MSRA: variants seen among roughly 807,000 people sequenced by gnomAD.
MSRA encodes methionine sulfoxide reductase A, also known as mitochondrial peptide methionine sulfoxide reductase.
In MSRA, 54 loss-of-function variants were observed where a neutral mutation model predicts 31.3. The observed-to-expected ratio is 1.73, with a 90% CI of 1.39 to 2.17. The LOEUF (loss-of-function observed/expected upper bound fraction) is 2.17, where lower values mean the gene tolerates loss of function less well. MSRA is among the 30% of genes most tolerant of loss of function. MSRA has a pLI of 0.00. For missense variants in MSRA, 507 were observed against 300.9 expected (o/e 1.69, Z -5.07); for synonymous variants, 169 against 116.5 (o/e 1.45, Z -2.90).
chr8:10,157,523 G>T (rs1176689077), intron 1 of MSRA, among the ~76,000 whole-genome samples: 1 of 152,110 alleles, frequency 6.6e-6, no homozygotes, highest in African/African-American at 2.4e-5. Context: ...TTGGGATAGT[G>T]GGAGGTGGCT....
At chr8:10,348,688 G>C (rs1803943299) in intron 5 of MSRA, among the ~76,000 whole-genome samples, 1 of 152,084 alleles carries the variant, frequency 6.6e-6, no homozygotes, top group African/African-American at 2.4e-5. Context: ...TTTAGTAGAA[G>C]TTCAGTTCAT....
At chr8:10,415,311 G>A (rs940484319) in intron 5 of MSRA, among the ~76,000 whole-genome samples, 1 of 152,152 alleles carries the variant, frequency 6.6e-6, no homozygotes, top group Non-Finnish European at 1.5e-5. Context: ...GGTGAAGGAC[G>A]ACAAGGAAGT....
intron 1 of MSRA, among the ~76,000 whole-genome samples, chr8:10,173,070 C>T (rs879698196): frequency 1.3e-5 from 2 of 152,252 alleles, no homozygotes; most frequent in Admixed American, 6.5e-5. Context: ...TAAAATAGCA[C>T]ACTTCTGGAG....
At chr8:10,164,780 C>T (rs1804970989) in intron 1 of MSRA, among the ~76,000 whole-genome samples, 1 of 152,206 alleles carries the variant, frequency 6.6e-6, no homozygotes, top group Admixed American at 6.5e-5. Context: ...CCTGTAATCC[C>T]AGCACTTTGG....
intron 1 of MSRA, among the ~76,000 whole-genome samples, chr8:10,200,555 C>T (rs553596602): frequency 6.6e-6 from 1 of 152,126 alleles, no homozygotes; most frequent in Non-Finnish European, 1.5e-5. Flanking sequence ...GCTTGCCTTC[C>T]AGGTCAGGGA....
chr8:10,388,929 C>G (rs1806564018), intron 5 of MSRA, among the ~76,000 whole-genome samples: 1 of 151,928 alleles, frequency 6.6e-6, no homozygotes, highest in African/African-American at 2.4e-5. Context: ...CCGAATGTCT[C>G]CTGGAAAGAG....
Position 10,245,197 on chromosome 8 carries a change from A to C in MSRA, c.305A>C (p.Asn102Thr). 6.2e-7 allele frequency: 1 copy of C among 1,613,536 alleles called. No homozygotes were observed. The highest frequency in any genetic ancestry group is 8.5e-7 in the Non-Finnish European group (1 of 1,179,728). The part of the protein sequence containing the change: ...QVGFAGGYTS[N>T]PTYKEVCSEK... ...GGTTTTGCAGGAGGCTATACTTCAA[A>C]TCCTACTTATAAAGAAGTCTGCTCA... is the stretch of plus-strand genomic sequence containing the variant. Residue 102 changes from asparagine (N) to threonine (T), a missense_variant, in exon 3 of 6, where the codon AAT becomes ACT. Asn to Thr is a moderately conservative substitution (Grantham distance 65, BLOSUM62 0). Coordinates refer to ENST00000317173, the MANE Select transcript of MSRA (RefSeq NM_012331.5).
intron 1 of MSRA, among the ~76,000 whole-genome samples, chr8:10,134,797 G>A (rs539273896): frequency 6.6e-6 from 1 of 152,372 alleles, no homozygotes; most frequent in South Asian, 2.1e-4. Context: ...ATATCTTTAA[G>A]TCTTTGATTA....
intron 1 of MSRA, among the ~76,000 whole-genome samples, chr8:10,078,918 C>T (rs918115828): frequency 2.6e-5 from 4 of 152,224 alleles, no homozygotes; most frequent in South Asian, 2.1e-4. Flanking sequence ...AAATGGGGAT[C>T]ACATTTGGAG....
chr8:10,297,231 C>A (rs1800594174), intron 3 of MSRA, among the ~76,000 whole-genome samples: 1 of 152,132 alleles, frequency 6.6e-6, no homozygotes, highest in African/African-American at 2.4e-5. Flanking sequence ...GGAATGGCTG[C>A]CTTTAATCAA....
At chr8:10,194,544 C>G (rs147560079) in intron 1 of MSRA, among the ~76,000 whole-genome samples, 5 of 152,294 alleles carry the variant, frequency 3.3e-5, no homozygotes, top group African/African-American at 1.2e-4. Flanking sequence ...TCTGCCTCCT[C>G]ATTTCCACAG....
At chr8:10,383,118 C>T (rs963506183) in intron 5 of MSRA, among the ~76,000 whole-genome samples, 3 of 152,198 alleles carry the variant, frequency 2.0e-5, no homozygotes, top group Non-Finnish European at 2.9e-5. Flanking sequence ...ATCATAGATC[C>T]AGTTGATGGC....
At chr8:10,412,284 T>G (rs2129189398) in intron 5 of MSRA, among the ~76,000 whole-genome samples, 1 of 152,364 alleles carries the variant, frequency 6.6e-6, no homozygotes, top group East Asian at 1.9e-4. Flanking sequence ...TGAACCACGT[T>G]TCTTTAAATT....
intron 1 of MSRA, among the ~76,000 whole-genome samples, chr8:10,087,394 C>G (rs1325236223): frequency 6.6e-6 from 1 of 152,146 alleles, no homozygotes; most frequent in Non-Finnish European, 1.5e-5. Context: ...GGCAGGGGCT[C>G]CATATCCCTT....
intron 1 of MSRA, among the ~76,000 whole-genome samples, chr8:10,071,691 G>C (rs1005109800): frequency 6.6e-6 from 1 of 151,990 alleles, no homozygotes; most frequent in Non-Finnish European, 1.5e-5. Flanking sequence ...TTTTGTTTCA[G>C]GTTGAGGTTG....
intron 3 of MSRA, chr8:10,250,600 G>T (rs958074523): frequency 7.9e-6 from 5 of 633,908 alleles, no homozygotes; most frequent in Non-Finnish European, 1.4e-5. Flanking sequence ...GAATACTCCG[G>T]TGGATTTTCA....
intron 5 of MSRA, among the ~76,000 whole-genome samples, chr8:10,348,905 AC>A (rs1423162492): frequency 1.3e-5 from 2 of 152,086 alleles, no homozygotes; most frequent in African/African-American, 4.8e-5. Flanking sequence ...AAAGAGGGAA[AC>A]AGCCTCCCTG....
At chr8:10,083,629 GT>G (rs1236281644) in intron 1 of MSRA, among the ~76,000 whole-genome samples, 1 of 152,018 alleles carries the variant, frequency 6.6e-6, no homozygotes, top group African/African-American at 2.4e-5. Flanking sequence ...CAGATCATTT[GT>G]TTTTAAGTTT....
At chr8:10,109,939 T>C (rs548464979) in intron 1 of MSRA, among the ~76,000 whole-genome samples, 1 of 152,206 alleles carries the variant, frequency 6.6e-6, no homozygotes, top group African/African-American at 2.4e-5. Flanking sequence ...GCCACAGTTT[T>C]TGGTTTCCAC....
Sources: gnomAD v4.1 joint callset for allele counts (sites outside exome capture counted in the v4.1 genomes callset) on GRCh38, gnomAD v4.1.1 for gene constraint, MANE v1.5 for transcripts, NCBI Gene and HGNC (gene_info 2026-07-23, HGNC 2026-07-21) for gene names.